The following RWDD3 variants were observed in gnomAD, a reference collection of about 807,000 sequenced individuals.
The protein encoded by RWDD3 is RWD domain-containing protein 3.
A neutral mutation model predicts 26.5 loss-of-function variants in RWDD3; 30 were observed. That is an observed-to-expected ratio of 1.13 (90% CI 0.85 to 1.54). The LOEUF (loss-of-function observed/expected upper bound fraction) is 1.54. Ranked by LOEUF, RWDD3 falls within the 40% of genes most tolerant of loss-of-function variation. The pLI is 0.00. For missense variants in RWDD3, 296 were observed against 309.1 expected (o/e 0.96, Z 0.32); for synonymous variants, 113 against 114.5 (o/e 0.99, Z 0.09).
intron 2 of RWDD3, 199 bp downstream of exon 2, chr1:95,244,897 AAG>A (rs2101123066): frequency 1.7e-6 from 1 of 590,988 alleles, no homozygotes; most frequent in East Asian, 3.0e-5. Context: ...GCAAAGCTTG[AAG>A]AATAAGATTG....
chr1:95,241,002 C>T (rs1032824460), intron 1 of RWDD3, among the ~76,000 whole-genome samples: 5 of 151,828 alleles, frequency 3.3e-5, no homozygotes, highest in African/African-American at 1.2e-4. Context: ...GAGCCATGAT[C>T]ACCCTGCTGC....
At chr1:95,240,055 T>C in intron 1 of RWDD3, 1 of 658,736 alleles carries the variant, frequency 1.5e-6, no homozygotes, top group East Asian at 6.7e-5. Context: ...GTCTCCTCCT[T>C]ATAGGGACCC....
chr1:95,243,646 TATACTG>T (rs911832218), intron 1 of RWDD3: 1 of 152,876 alleles, frequency 6.5e-6, no homozygotes, highest in Non-Finnish European at 1.5e-5. Context: ...ACCTTCATAT[TATACTG>T]ATACTAATAT....
chr1:95,238,017 G>C (rs548265469), intron 1 of RWDD3, among the ~76,000 whole-genome samples: 99 of 152,332 alleles, frequency 6.5e-4, no homozygotes, highest in African/African-American at 2.3e-3. Context: ...CCAAAGGGGA[G>C]TGTTTGTGCA....
chr1:95,245,854 G>C (rs998540373), intron 2 of RWDD3, among the ~76,000 whole-genome samples: 2 of 152,142 alleles, frequency 1.3e-5, no homozygotes. Context: ...TTCTTACTCA[G>C]ATTGAAACAT....
intron 1 of RWDD3, among the ~76,000 whole-genome samples, chr1:95,241,148 G>C (rs930236962): frequency 3.3e-5 from 5 of 151,962 alleles, no homozygotes; most frequent in Admixed American, 3.3e-4. Flanking sequence ...GTGAAAAAGA[G>C]CAAGATGATT....
At chr1:95,239,833 C>T (rs905042609) in intron 1 of RWDD3, 1 of 1,289,676 alleles carries the variant, frequency 7.8e-7, no homozygotes, top group South Asian at 1.2e-5. Context: ...ATGGCTGGCT[C>T]AGTAGCTTTT....
chr1:95,236,447 G>T (rs759107367), intron 1 of RWDD3, among the ~76,000 whole-genome samples: 4 of 152,124 alleles, frequency 2.6e-5, no homozygotes, highest in Non-Finnish European at 5.9e-5. Flanking sequence ...ACAGGGAGTT[G>T]ACTTCCATTT....
Position 95,244,495 on chromosome 1 carries a change from A to T in RWDD3, c.370A>T (p.Ser124Cys). ...CAGCCAACCAGAAACTGGCAGTGGC[A>T]GTGAAAAGTGTACTTTTTCAACAAG... ...ILSQPETGSG[S>C]EKCTFSTSTT... The change falls in exon 2 of 4, where the codon AGT (serine) becomes TGT (cysteine). Residue 124 changes from serine to cysteine, a missense_variant. Transcript: ENST00000370202. The T allele has an allele frequency of 6.2e-7, 1 of 1,614,220 alleles. No individual in the cohort carries two copies. Among genetic ancestry groups the T allele is most frequent in the South Asian group, 1.1e-5 (1 of 91,084 alleles).
chr1:95,243,265 G>A (rs959690401), intron 1 of RWDD3: 6 of 152,188 alleles, frequency 3.9e-5, no homozygotes, highest in African/African-American at 1.4e-4. Context: ...TCTTTAAAAT[G>A]GGGATACATT....
chr1:95,239,896 C>G (rs535318332), intron 1 of RWDD3: 30 of 1,289,784 alleles, frequency 2.3e-5, no homozygotes, highest in Middle Eastern at 2.1e-4. Flanking sequence ...GTTCCCTGCA[C>G]CAGAGAGGAC....
rs1480416208 is a variant in RWDD3 at position 95,244,683 on chromosome 1, C to G, written c.558C>G (p.Asp186Glu). Reference protein sequence around the residue: ...GKIILILLQGDRNNLKEYLIL... With the variant: ...GKIILILLQGERNNLKEYLIL... The stretch of plus-strand genomic sequence containing the variant: ...TAATACTGATTTTACTACAGGGAGA[C>G]AGAAACAACCTCAAGGTGCCAAAAA... The change falls in exon 2 of 4, where the codon GAC becomes GAG. Residue 186 changes from aspartate to glutamate, a missense_variant. Coordinates refer to ENST00000370202, the MANE Select transcript of RWDD3 (RefSeq NM_015485.5). 5.0e-6 allele frequency: 8 copies of G among 1,612,796 alleles called. No homozygotes were observed. In the South Asian group the frequency reaches 7.7e-5, roughly 16 times the overall value.
At chr1:95,244,945 G>T in intron 2 of RWDD3, 1 of 439,328 alleles carries the variant, frequency 2.3e-6, no homozygotes, top group Non-Finnish European at 4.0e-6. Flanking sequence ...AAAGTGACAG[G>T]TTATTTAAAA....
chr1:95,236,541 G>A (rs1307397209), intron 1 of RWDD3, among the ~76,000 whole-genome samples: 1 of 152,166 alleles, frequency 6.6e-6, no homozygotes, highest in Non-Finnish European at 1.5e-5. Context: ...GTGTAATGGA[G>A]TTGCTTTCTT....
At position 95,244,427 on chromosome 1, in the gene RWDD3, A is replaced by G; in HGVS notation, c.302A>G (p.His101Arg). Reference sequence around the variant, plus strand: ...AGCCTTTTGTCGGAGCCTATGGTTCATGAGCTGGTTCTCTGGATTCAGCAG... The same window carrying G: ...AGCCTTTTGTCGGAGCCTATGGTTCGTGAGCTGGTTCTCTGGATTCAGCAG... ...AESLLSEPMV[H>R]ELVLWIQQNL... The change falls in exon 2 of 4, where the codon CAT becomes CGT. Residue 101 changes from histidine to arginine, a missense_variant. Physicochemically the swap from His to Arg is conservative, Grantham distance 29. Coordinates refer to ENST00000370202, the MANE Select transcript of RWDD3 (RefSeq NM_015485.5). The G allele has an allele frequency of 1.2e-6, 2 of 1,614,242 alleles. No individual in the cohort carries two copies. Among genetic ancestry groups the G allele is most frequent in the Non-Finnish European group, 1.7e-6 (2 of 1,180,040 alleles).
intron 1 of RWDD3, among the ~76,000 whole-genome samples, chr1:95,235,351 CTTTTTT>C (rs1166711835): frequency 1.7e-3 from 72 of 41,368 alleles, no homozygotes; most frequent in African/African-American, 7.0e-3. Context: ...TGCGCCCGGC[CTTTTTT>C]TTTTTTTTTT....
In RWDD3 at chr1:95,247,164, T is replaced by G. The variant is rs919756908; in HGVS notation, c.*294T>G. 4 of 186,394 alleles carry G rather than the reference T, an allele frequency of 2.1e-5. No individual in the cohort carries two copies. Among genetic ancestry groups the G allele is most frequent in the African/African-American group, 9.3e-5 (4 of 43,028 alleles). The allele number at this position is 186,394 out of a possible 1,614,324, so 11.5% of individuals were successfully genotyped here. A position where few individuals can be genotyped will look rare whatever the true frequency, so the allele number is the denominator to read the frequency against. ...AACACTTGTTTTTATAGACAATATT[T>G]GTTTGAAACTATGTAATTTTCTGGC... On this transcript the variant is annotated 3_prime_UTR_variant, in exon 4 of 4. Coordinates refer to ENST00000370202, the MANE Select transcript of RWDD3 (RefSeq NM_015485.5).
Position 95,234,260 on chromosome 1 carries a change from G to C in RWDD3, c.30G>C (p.Ser10=), listed in dbSNP as rs746611293. Residue 10 remains serine, a synonymous_variant, in exon 1 of 4, where the codon TCG becomes TCC. Coordinates refer to ENST00000370202, the MANE Select transcript of RWDD3 (RefSeq NM_015485.5). The stretch of plus-strand genomic sequence containing the variant: ...CGGAGCCTGTGCAGGAGGAGCTCTC[G>C]GTCCTGGCCGCGATTTTCTGCAGGC... The part of the protein sequence containing the change: MAEPVQEEL[S]VLAAIFCRPH... 1.9e-6 allele frequency: 3 copies of C among 1,597,580 alleles called. No homozygotes were observed. Among genetic ancestry groups the C allele is most frequent in the East Asian group, 4.5e-5 (2 of 44,188 alleles).
chr1:95,246,970 C>G lies in RWDD3; in HGVS notation c.*100C>G. The G allele has an allele frequency of 4.9e-6, 3 of 614,958 alleles. No individual in the cohort carries two copies. In the South Asian group the frequency reaches 9.8e-5, roughly 20 times the overall value. 38.1% of individuals were successfully genotyped at this position (614,958 alleles called of 1,614,324 possible). A position where few individuals can be genotyped will look rare whatever the true frequency, so the allele number is the denominator to read the frequency against. Reference sequence around the variant, plus strand: ...ATTGAAATAGTCAATTTTAAAGTTTCTCTGAAGCAAAATGATAGGCATCAT... The same window carrying G: ...ATTGAAATAGTCAATTTTAAAGTTTGTCTGAAGCAAAATGATAGGCATCAT... On this transcript the variant is annotated 3_prime_UTR_variant, in exon 4 of 4. Coordinates refer to ENST00000370202, the MANE Select transcript of RWDD3 (RefSeq NM_015485.5).
Sources: gnomAD v4.1 joint callset for allele counts (sites outside exome capture counted in the v4.1 genomes callset) on GRCh38, gnomAD v4.1.1 for gene constraint, MANE v1.5 for transcripts, NCBI Gene and HGNC (gene_info 2026-07-23, HGNC 2026-07-21) for gene names.